DGKI: variants seen among roughly 807,000 people sequenced by gnomAD.
The protein encoded by DGKI is diacylglycerol kinase iota.
In DGKI, 55 loss-of-function variants were observed where a neutral mutation model predicts 147.5. That is an observed-to-expected ratio of 0.37 (90% confidence interval 0.30 to 0.47). The LOEUF is 0.47. DGKI is among the 20% of genes least tolerant of loss of function. The pLI is 1.00. For synonymous variants in DGKI, 469 were observed against 477.1 expected (o/e 0.98, Z 0.22); for missense variants, 1,007 against 1,323.8 (o/e 0.76, Z 3.71).
intron 20 of DGKI, among the ~76,000 whole-genome samples, chr7:137,527,372 C>T (rs770763281): frequency 2.0e-5 from 3 of 152,130 alleles, no homozygotes; most frequent in Non-Finnish European, 4.4e-5. Context: ...ACTTAGTAGA[C>T]AGGAAACCTT....
At chr7:137,718,763 C>T (rs991241231) in intron 1 of DGKI, among the ~76,000 whole-genome samples, 8 of 152,176 alleles carry the variant, frequency 5.3e-5, no homozygotes, top group East Asian at 1.9e-4. Flanking sequence ...AAGGAGAAGA[C>T]GGCCTCCTCT....
chr7:137,458,619 T>C (rs942628235), intron 27 of DGKI, among the ~76,000 whole-genome samples: 1 of 152,188 alleles, frequency 6.6e-6, no homozygotes, highest in African/African-American at 2.4e-5. Context: ...GTCAGTCCTT[T>C]TCTCAAAGAA....
At chr7:137,755,215 C>A (rs1308548132) in intron 1 of DGKI, among the ~76,000 whole-genome samples, 1 of 152,020 alleles carries the variant, frequency 6.6e-6, no homozygotes, top group Non-Finnish European at 1.5e-5. Flanking sequence ...TTACAAGTGG[C>A]AAAAACCAAT....
chr7:137,457,132 C>T (rs1458450300), intron 27 of DGKI, among the ~76,000 whole-genome samples: 1 of 152,002 alleles, frequency 6.6e-6, no homozygotes, highest in African/African-American at 2.4e-5. Context: ...AATGAGTATC[C>T]GGGGTGAGCA....
chr7:137,553,552 T>TAA (rs35473023), intron 19 of DGKI, among the ~76,000 whole-genome samples: 64 of 150,544 alleles, frequency 4.3e-4, no homozygotes, highest in African/African-American at 1.3e-3. Flanking sequence ...TCTGACTTAG[T>TAA]AAAAAAAAAA....
chr7:137,579,094 T>G (rs1563095217), intron 15 of DGKI, among the ~76,000 whole-genome samples: 2 of 152,190 alleles, frequency 1.3e-5, no homozygotes, highest in Non-Finnish European at 2.9e-5. Context: ...AATTCTCAAC[T>G]TAAAAGTATT....
intron 29 of DGKI, among the ~76,000 whole-genome samples, chr7:137,410,018 A>G (rs1048613599): frequency 5.3e-5 from 8 of 152,232 alleles, no homozygotes; most frequent in African/African-American, 1.4e-4. Flanking sequence ...GAAGAGGAAG[A>G]GGGCATGAAT....
chr7:137,483,486 C>T (rs765920684), intron 23 of DGKI, among the ~76,000 whole-genome samples: 1 of 151,890 alleles, frequency 6.6e-6, no homozygotes, highest in Non-Finnish European at 1.5e-5. Context: ...GCAGGATATG[C>T]AGGTTTGTTA....
intron 30 of DGKI, among the ~76,000 whole-genome samples, chr7:137,405,186 T>C (rs1025781576): frequency 6.6e-6 from 1 of 152,206 alleles, no homozygotes; most frequent in Non-Finnish European, 1.5e-5. Context: ...TCATTTTTAG[T>C]ATAATCATAT....
At chr7:137,835,525 T>C (rs890837982) in intron 1 of DGKI, among the ~76,000 whole-genome samples, 2 of 152,214 alleles carry the variant, frequency 1.3e-5, no homozygotes, top group African/African-American at 2.4e-5. Context: ...TACAATGAAA[T>C]GGCTGCTGCT....
chr7:137,709,820 AAAAAT>A (rs1794162543), intron 1 of DGKI, among the ~76,000 whole-genome samples: 1 of 152,132 alleles, frequency 6.6e-6, no homozygotes, highest in African/African-American at 2.4e-5. Flanking sequence ...ATTAATGCTA[AAAAAT>A]AAAAGATGGG....
chr7:137,458,438 G>C (rs1814290563), intron 27 of DGKI, among the ~76,000 whole-genome samples: 1 of 152,122 alleles, frequency 6.6e-6, no homozygotes, highest in Non-Finnish European at 1.5e-5. Context: ...GTTCTTTCAG[G>C]ACTAGGACTT....
chr7:137,617,756 G>A (rs1012679810), intron 8 of DGKI, among the ~76,000 whole-genome samples: 6 of 151,892 alleles, frequency 4.0e-5, no homozygotes, highest in Admixed American at 3.3e-4. Context: ...CTGTAATACC[G>A]CAAGATGTTA....
intron 20 of DGKI, among the ~76,000 whole-genome samples, chr7:137,535,482 C>T (rs1034510316): frequency 6.6e-6 from 1 of 151,610 alleles, no homozygotes; most frequent in South Asian, 2.1e-4. Context: ...CCCTCCTTTT[C>T]CCTGCCAAAC....
At chr7:137,740,590 C>A (rs1162025263) in intron 1 of DGKI, among the ~76,000 whole-genome samples, 3 of 152,182 alleles carry the variant, frequency 2.0e-5, no homozygotes, top group Non-Finnish European at 4.4e-5. Flanking sequence ...ATTAGCCAGA[C>A]CAGCCCAATA....
At chr7:137,666,315 A>T (rs371450136) in intron 3 of DGKI, among the ~76,000 whole-genome samples, 2 of 152,196 alleles carry the variant, frequency 1.3e-5, no homozygotes, top group Non-Finnish European at 2.9e-5. Flanking sequence ...AGGCAGTAGG[A>T]TCACTTAAGC....
At chr7:137,631,641 T>C (rs987821285) in intron 6 of DGKI, among the ~76,000 whole-genome samples, 7 of 152,160 alleles carry the variant, frequency 4.6e-5, no homozygotes, top group African/African-American at 1.4e-4. Flanking sequence ...GAATTTCCCA[T>C]TGTGGGAGCA....
At chr7:137,516,661 T>C (rs964507733) in intron 21 of DGKI, among the ~76,000 whole-genome samples, 5 of 152,052 alleles carry the variant, frequency 3.3e-5, no homozygotes, top group African/African-American at 1.2e-4. Context: ...GAATAAATTA[T>C]GTTATAATGT....
At chr7:137,476,970 T>C (rs1244220953) in intron 23 of DGKI, among the ~76,000 whole-genome samples, 3 of 152,232 alleles carry the variant, frequency 2.0e-5, no homozygotes, top group Non-Finnish European at 4.4e-5. Flanking sequence ...CAGAATTTTC[T>C]AGACTCAGCT....
Sources: gnomAD v4.1 joint callset for allele counts (sites outside exome capture counted in the v4.1 genomes callset) on GRCh38, gnomAD v4.1.1 for gene constraint, MANE v1.5 for transcripts, NCBI Gene and HGNC (gene_info 2026-07-23, HGNC 2026-07-21) for gene names.